Variants in NRXN1 observed in about 807,000 individuals in gnomAD.
The protein encoded by NRXN1 is neurexin-1.
NRXN1 carries 39 observed loss-of-function variants against 150.9 expected under a neutral mutation model. That is an observed-to-expected ratio of 0.26 (90% CI 0.20 to 0.34). The LOEUF (loss-of-function observed/expected upper bound fraction) is 0.34, where lower values mean the gene tolerates loss of function less well. NRXN1 is among the 10% of genes least tolerant of loss of function. The pLI is 1.00. For synonymous variants in NRXN1, 924 were observed against 757.0 expected (o/e 1.22, Z -3.62); for missense variants, 1,815 against 1,949.9 (o/e 0.93, Z 1.30).
intron 2 of NRXN1, among the ~76,000 whole-genome samples, chr2:51,021,997 T>C (rs1371939047): frequency 6.6e-6 from 1 of 152,090 alleles, no homozygotes; most frequent in African/African-American, 2.4e-5. Flanking sequence ...TGGGTAACAT[T>C]AGAACACAGC....
intron 5 of NRXN1, among the ~76,000 whole-genome samples, chr2:50,722,459 A>G (rs1468946718): frequency 6.6e-6 from 1 of 152,204 alleles, no homozygotes; most frequent in East Asian, 1.9e-4. Flanking sequence ...AGCCATTAAA[A>G]TCATATTGCA....
At chr2:50,721,533 T>TTC (rs2105125453) in intron 5 of NRXN1, among the ~76,000 whole-genome samples, 1 of 152,264 alleles carries the variant, frequency 6.6e-6, no homozygotes, top group Non-Finnish European at 1.5e-5. Context: ...ATATAATGTG[T>TTC]TCTCCTTTGT....
chr2:50,755,782 C>T (rs544485962), intron 5 of NRXN1, among the ~76,000 whole-genome samples: 30 of 151,944 alleles, frequency 2.0e-4, no homozygotes, highest in African/African-American at 7.2e-4. Flanking sequence ...TAATCCAGAT[C>T]CAGTTGTTCT....
At chr2:50,032,616 C>T (rs934161202) in intron 21 of NRXN1, among the ~76,000 whole-genome samples, 2 of 151,968 alleles carry the variant, frequency 1.3e-5, no homozygotes, top group African/African-American at 4.8e-5. Flanking sequence ...TAGGTTGAAA[C>T]CCTAACCCCC....
chr2:50,900,351 T>A (rs1411155066), intron 5 of NRXN1, among the ~76,000 whole-genome samples: 1 of 152,196 alleles, frequency 6.6e-6, no homozygotes, highest in Non-Finnish European at 1.5e-5. Flanking sequence ...ATCTGGGAGT[T>A]CACCCTTTAA....
intron 5 of NRXN1, among the ~76,000 whole-genome samples, chr2:50,710,483 A>G (rs2105037139): frequency 6.6e-6 from 1 of 152,156 alleles, no homozygotes; most frequent in African/African-American, 2.4e-5. Flanking sequence ...CTTGGGTTTG[A>G]TTTCTCTATT....
At chr2:50,473,740 A>T (rs2104719413) in intron 15 of NRXN1, among the ~76,000 whole-genome samples, 1 of 152,152 alleles carries the variant, frequency 6.6e-6, no homozygotes, top group East Asian at 1.9e-4. Flanking sequence ...AGGAGAACTG[A>T]TACACAGACT....
intron 5 of NRXN1, among the ~76,000 whole-genome samples, chr2:50,670,116 T>C (rs1026955048): frequency 6.6e-6 from 1 of 151,820 alleles, no homozygotes; most frequent in African/African-American, 2.4e-5. Flanking sequence ...CTAGGGAAAA[T>C]ATGAATCTTA....
At chr2:50,327,426 G>A (rs1012580212) in intron 17 of NRXN1, among the ~76,000 whole-genome samples, 1 of 152,286 alleles carries the variant, frequency 6.6e-6, no homozygotes, top group South Asian at 2.1e-4. Context: ...TAGAATTACA[G>A]AAATGCCCTG....
intron 2 of NRXN1, among the ~76,000 whole-genome samples, chr2:50,935,130 T>C (rs1280525100): frequency 6.6e-6 from 1 of 152,184 alleles, no homozygotes; most frequent in African/African-American, 2.4e-5. Flanking sequence ...GTTTTAAAAT[T>C]AATTTAAAAA....
intron 5 of NRXN1, among the ~76,000 whole-genome samples, chr2:50,623,936 C>A (rs1680518646): frequency 6.6e-6 from 1 of 152,080 alleles, no homozygotes; most frequent in South Asian, 2.1e-4. Context: ...TCTCCCCTCC[C>A]CCAACCCCAC....
chr2:50,895,896 T>C (rs1007706644), intron 5 of NRXN1, among the ~76,000 whole-genome samples: 11 of 151,910 alleles, frequency 7.2e-5, no homozygotes, highest in African/African-American at 2.4e-4. Context: ...AGAAATTTTA[T>C]GTAAGGGCAT....
At chr2:50,201,092 T>G (rs1436640294) in intron 18 of NRXN1, among the ~76,000 whole-genome samples, 1 of 152,182 alleles carries the variant, frequency 6.6e-6, no homozygotes, top group African/African-American at 2.4e-5. Flanking sequence ...AGATGTATTG[T>G]GTAGCAGATC....
intron 8 of NRXN1, among the ~76,000 whole-genome samples, chr2:50,580,980 T>C (rs951508188): frequency 2.0e-5 from 3 of 152,118 alleles, no homozygotes; most frequent in Non-Finnish European, 2.9e-5. Flanking sequence ...ACCTTGAAAA[T>C]GTAACAATTC....
intron 5 of NRXN1, among the ~76,000 whole-genome samples, chr2:50,802,843 T>C (rs1321589524): frequency 1.3e-5 from 2 of 152,110 alleles, no homozygotes; most frequent in East Asian, 3.9e-4. Context: ...GACAGAGAAC[T>C]GGAGAAATGC....
intron 18 of NRXN1, among the ~76,000 whole-genome samples, chr2:50,205,524 G>A (rs2062505493): frequency 1.3e-5 from 2 of 151,938 alleles, no homozygotes; most frequent in Non-Finnish European, 2.9e-5. Flanking sequence ...CAAGAAATAG[G>A]ACCTTCAAAG....
At chr2:50,238,319 C>T (rs1034286870) in intron 17 of NRXN1, among the ~76,000 whole-genome samples, 8 of 151,988 alleles carry the variant, frequency 5.3e-5, no homozygotes, top group Admixed American at 2.6e-4. Flanking sequence ...GCCTTTGCAG[C>T]TTCTTGTTCT....
At chr2:49,973,118 A>G (rs1322723467) in intron 21 of NRXN1, 1 of 152,204 alleles carries the variant, frequency 6.6e-6, no homozygotes, top group Non-Finnish European at 1.5e-5. Context: ...GAACATGCAC[A>G]TGGTCTCTCA....
chr2:50,813,784 A>G (rs1668551389), intron 5 of NRXN1, among the ~76,000 whole-genome samples: 1 of 152,138 alleles, frequency 6.6e-6, no homozygotes, highest in African/African-American at 2.4e-5. Context: ...TTCCCGCCAC[A>G]ATCTCTTACC....
Sources: allele counts gnomAD v4.1 joint callset (sites outside exome capture counted in the v4.1 genomes callset), GRCh38; gene constraint gnomAD v4.1.1; transcripts MANE v1.5; gene names NCBI Gene and HGNC (gene_info 2026-07-23, HGNC 2026-07-21).